The following ETFDH variants were observed in gnomAD, a reference collection of about 807,000 sequenced individuals.
ETFDH encodes the protein electron transfer flavoprotein dehydrogenase.
In ETFDH, 61 loss-of-function variants were observed where a neutral mutation model predicts 73.2. That is an observed-to-expected ratio of 0.83 (90% CI 0.68 to 1.03). ETFDH has a LOEUF of 1.03. ETFDH is among the 50% of genes least tolerant of loss of function. ETFDH has a pLI of 0.00. For missense variants in ETFDH, 685 were observed against 745.0 expected (o/e 0.92, Z 0.94); for synonymous variants, 243 against 253.3 (o/e 0.96, Z 0.39).
chr4:158,674,583 G>A (rs1773667550), intron 1 of ETFDH, among the ~76,000 whole-genome samples: 1 of 152,138 alleles, frequency 6.6e-6, no homozygotes, highest in Non-Finnish European at 1.5e-5. Context: ...TTATAGGCAT[G>A]AGCCACCATG....
intron 9 of ETFDH, chr4:158,700,568 A>ACG (rs1774433267): frequency 1.3e-5 from 1 of 78,250 alleles, no homozygotes; most frequent in African/African-American, 3.9e-5. Context: ...ACACACACAC[A>ACG]CACGCACACA....
At chr4:158,672,895 C>T (rs1773613825) in intron 1 of ETFDH, among the ~76,000 whole-genome samples, 1 of 152,092 alleles carries the variant, frequency 6.6e-6, no homozygotes. Flanking sequence ...CTTTCGTCTT[C>T]GGAGCCATTC....
chr4:158,684,469 C>A (rs1037116550), intron 3 of ETFDH, 123 bp from the exon 4 acceptor site: 1 of 609,942 alleles, frequency 1.6e-6, no homozygotes. Flanking sequence ...AAGGAAATGC[C>A]AAAAGAAAAT....
At chr4:158,697,199 A>G (rs989227547) in intron 7 of ETFDH, among the ~76,000 whole-genome samples, 1 of 151,994 alleles carries the variant, frequency 6.6e-6, no homozygotes, top group Non-Finnish European at 1.5e-5. Context: ...GGTTCAAGCA[A>G]TTCTCACGCC....
intron 3 of ETFDH, 48 bp from the exon 4 acceptor site, chr4:158,684,544 C>T (rs1166729952): frequency 1.9e-6 from 2 of 1,054,332 alleles, no homozygotes; most frequent in Non-Finnish European, 3.0e-6. Context: ...TATATTTACA[C>T]TTGCAAATAT....
chr4:158,676,847 A>G (rs969703011), intron 1 of ETFDH, among the ~76,000 whole-genome samples: 1 of 152,148 alleles, frequency 6.6e-6, no homozygotes, highest in African/African-American at 2.4e-5. Flanking sequence ...GGCCGTTTGT[A>G]TATCATCTTT....
At chr4:158,675,625 C>T (rs1164067354) in intron 1 of ETFDH, among the ~76,000 whole-genome samples, 3 of 151,978 alleles carry the variant, frequency 2.0e-5, no homozygotes, top group African/African-American at 2.4e-5. Flanking sequence ...AACAATTATC[C>T]GGGCATGGTG....
chr4:158,677,374 TC>T (rs1335765854), intron 1 of ETFDH, among the ~76,000 whole-genome samples: 3 of 152,228 alleles, frequency 2.0e-5, no homozygotes, highest in Non-Finnish European at 4.4e-5. Flanking sequence ...TCTCAAAAGT[TC>T]ACGAATTTGT....
intron 6 of ETFDH, among the ~76,000 whole-genome samples, chr4:158,692,233 A>C (rs1224068988): frequency 6.6e-6 from 1 of 151,740 alleles, no homozygotes; most frequent in Non-Finnish European, 1.5e-5. Flanking sequence ...CCCTACTGAA[A>C]AAAAAAATAC....
chr4:158,674,399 G>A (rs1438795236), intron 1 of ETFDH, among the ~76,000 whole-genome samples: 2 of 152,006 alleles, frequency 1.3e-5, no homozygotes, highest in East Asian at 1.9e-4. Flanking sequence ...TCTGCCTCCC[G>A]GGTTCAAGTG....
rs536606967 is a variant in ETFDH at position 158,708,741 on chromosome 4, C to T, written c.*214C>T. ...TTTATAAGAATGCAGCATCTTCCTA[C>T]CTCTTCAGTTCTTCAGAGATTCAGT... is the stretch of plus-strand genomic sequence containing the variant. On this transcript the variant is annotated 3_prime_UTR_variant, in exon 13 of 13. Coordinates refer to ENST00000511912, the MANE Select transcript of ETFDH (RefSeq NM_004453.4). 5.3e-5 allele frequency: 27 copies of T among 507,634 alleles called. No individual in the cohort carries two copies. In the Admixed American group the frequency reaches 6.4e-4, roughly 12 times the overall value. The allele number at this position is 507,634 out of a possible 1,614,324, so 31.4% of individuals were successfully genotyped here.
At chr4:158,687,338 A>G (rs551652807) in intron 5 of ETFDH, among the ~76,000 whole-genome samples, 1 of 152,308 alleles carries the variant, frequency 6.6e-6, no homozygotes, top group South Asian at 2.1e-4. Context: ...TGGCCAGGGA[A>G]GGTCAGAGAG....
In ETFDH at chr4:158,695,263, G is replaced by A. The variant is rs192208615; in HGVS notation, c.685-234G>A. 9.9e-4 allele frequency among the ~76,000 whole-genome samples: 151 copies of A among 152,296 alleles called. 1 individual carries two copies. Among genetic ancestry groups the A allele is most frequent in the Non-Finnish European group, 1.8e-3 (123 of 68,028 alleles). ...CATGGACTACTACCTAGTCATTAAA[G>A]AGAAAGATTTGAGCTATACAGTGAC... is the stretch of plus-strand genomic sequence containing the variant. On this transcript the variant is annotated intron_variant, in intron 6 of 12. Transcript: ENST00000511912.
chr4:158,677,163 A>G (rs79045040), intron 1 of ETFDH, among the ~76,000 whole-genome samples: 1,771 of 152,352 alleles, frequency 0.012, 25 homozygotes, highest in African/African-American at 0.038. Flanking sequence ...GCCAAACTCC[A>G]TAAACTATTT....
At chr4:158,685,443 G>A (rs545622187) in intron 5 of ETFDH, among the ~76,000 whole-genome samples, 1 of 152,188 alleles carries the variant, frequency 6.6e-6, no homozygotes, top group African/African-American at 2.4e-5. Context: ...TCACCATAAG[G>A]GATGAAAAAT....
At chr4:158,703,852 T>A (rs927748245) in intron 10 of ETFDH, among the ~76,000 whole-genome samples, 12 of 152,198 alleles carry the variant, frequency 7.9e-5, no homozygotes, top group African/African-American at 2.7e-4. Flanking sequence ...ATCCCAGCAC[T>A]TTGGTAGGCT....
chr4:158,692,876 TAAA>T (rs201333277), intron 6 of ETFDH, among the ~76,000 whole-genome samples: 129 of 105,102 alleles, frequency 1.2e-3, no homozygotes, highest in Admixed American at 3.9e-3. Context: ...AAAAAAAGAT[TAAA>T]AAAAAAAAAA....
intron 3 of ETFDH, 84 bp downstream of exon 3, chr4:158,682,508 A>G: frequency 9.5e-7 from 1 of 1,049,762 alleles, no homozygotes; most frequent in South Asian, 1.4e-5. Flanking sequence ...GAATATAGGA[A>G]ACCCTTTTCA....
At chr4:158,692,133 C>A (rs1283834396) in intron 6 of ETFDH, among the ~76,000 whole-genome samples, 1 of 152,164 alleles carries the variant, frequency 6.6e-6, no homozygotes, top group East Asian at 1.9e-4. Flanking sequence ...GTGGCTCACG[C>A]CTGTAATCCC....
Sources: gnomAD v4.1 joint callset for allele counts (sites outside exome capture counted in the v4.1 genomes callset) on GRCh38, gnomAD v4.1.1 for gene constraint, MANE v1.5 for transcripts, NCBI Gene and HGNC (gene_info 2026-07-23, HGNC 2026-07-21) for gene names.